PRICKLE2: variants seen among roughly 807,000 people sequenced by gnomAD.
PRICKLE2 encodes the protein prickle planar cell polarity protein 2, also known as prickle-like protein 2.
PRICKLE2 carries 21 observed loss-of-function variants against 81.4 expected under a neutral mutation model. That is an observed-to-expected ratio of 0.26 (90% CI 0.18 to 0.37). PRICKLE2 has a LOEUF of 0.37. Ranked by LOEUF, PRICKLE2 falls within the 10% of genes least tolerant of loss-of-function variation. The probability of loss-of-function intolerance (pLI) is 1.00; values close to 1 mark genes in which losing one functional copy is unlikely to be tolerated. For missense variants in PRICKLE2, 940 were observed against 1,109.0 expected, an observed-to-expected ratio of 0.85 and a Z score of 2.16; for synonymous variants, 456 against 421.5, an observed-to-expected ratio of 1.08 and a Z score of -1.00.
rs537015256 is a variant in PRICKLE2 at position 64,092,870 on chromosome 3, TTAAA to T, written c.*6177_*6180del. ...TGTGTGGAGACATTTTTAATTGTGG[TTAAA>T]TAAACATAATATAAAATTTACCATC... On this transcript the variant is annotated 3_prime_UTR_variant, in exon 8 of 8. Transcript: ENST00000638394. 6.6e-6 allele frequency: 1 copy of T among 152,336 alleles called. No individual in the cohort carries two copies. Among genetic ancestry groups the T allele is most frequent in the East Asian group, 1.9e-4 (1 of 5,184 alleles). The allele number at this position is 152,336 out of a possible 1,614,324, so 9.4% of individuals were successfully genotyped here. A position where few individuals can be genotyped will look rare whatever the true frequency, so the allele number is the denominator to read the frequency against.
chr3:64,200,915 G>C (rs146642521), intron 1 of PRICKLE2: 21 of 148,270 alleles, frequency 1.4e-4, no homozygotes, highest in African/African-American at 5.1e-4. Context: ...GCCCTCAGTC[G>C]GATATATGTT....
chr3:64,202,645 C>CGTGT (rs71099794), intron 1 of PRICKLE2, among the ~76,000 whole-genome samples: 1,852 of 149,118 alleles, frequency 0.012, 9 homozygotes, highest in Non-Finnish European at 0.015. Flanking sequence ...TACTTGTGTG[C>CGTGT]GTGTGTGTGT....
intron 2 of PRICKLE2, among the ~76,000 whole-genome samples, chr3:64,243,386 C>T (rs1030022964): frequency 1.3e-5 from 2 of 152,180 alleles, no homozygotes; most frequent in Non-Finnish European, 2.9e-5. Context: ...GTCGTGAAAA[C>T]CAAATATATC....
At chr3:64,242,816 G>A (rs2079287600) in intron 2 of PRICKLE2, among the ~76,000 whole-genome samples, 1 of 152,258 alleles carries the variant, frequency 6.6e-6, no homozygotes. Context: ...ATGGGGCCAA[G>A]AGTGTACCTG....
intron 7 of PRICKLE2, among the ~76,000 whole-genome samples, chr3:64,126,712 G>A (rs2077112729): frequency 6.6e-6 from 1 of 151,942 alleles, no homozygotes; most frequent in Non-Finnish European, 1.5e-5. Context: ...TGAGTAGCTG[G>A]GACTACAGGT....
chr3:64,157,459 C>G (rs142443764), intron 4 of PRICKLE2, 94 bp from the exon 5 acceptor site: 76 of 1,305,676 alleles, frequency 5.8e-5, no homozygotes, highest in Non-Finnish European at 8.0e-5. Context: ...TAGCTGGCTA[C>G]TGAGTGCTTA....
At chr3:64,241,685 C>T (rs902050198) in intron 2 of PRICKLE2, among the ~76,000 whole-genome samples, 1 of 152,120 alleles carries the variant, frequency 6.6e-6, no homozygotes, top group Admixed American at 6.5e-5. Context: ...AGACCTTGAC[C>T]ATCTCAGAGG....
At chr3:64,242,731 C>T (rs989656893) in intron 2 of PRICKLE2, among the ~76,000 whole-genome samples, 2 of 152,236 alleles carry the variant, frequency 1.3e-5, no homozygotes, top group African/African-American at 2.4e-5. Context: ...ACTTCACCCA[C>T]TCCAGTTCCT....
At chr3:64,161,154 A>T in intron 3 of PRICKLE2, among the ~76,000 whole-genome samples, 1 of 152,298 alleles carries the variant, frequency 6.6e-6, no homozygotes, top group African/African-American at 2.4e-5. Context: ...CACTAAATTG[A>T]AATTTCCTCC....
intron 1 of PRICKLE2, chr3:64,199,719 C>T (rs2078535156): frequency 6.6e-6 from 1 of 152,112 alleles, no homozygotes; most frequent in South Asian, 2.1e-4. Flanking sequence ...TTAAGGTTAC[C>T]ATCTGTTCTC....
chr3:64,123,490 T>C (rs537687019), intron 7 of PRICKLE2, among the ~76,000 whole-genome samples: 215 of 152,360 alleles, frequency 1.4e-3, no homozygotes, highest in African/African-American at 5.0e-3. Flanking sequence ...CCATGTTTTA[T>C]TGAGCATCAC....
rs866947633 is a variant in PRICKLE2, at chr3:64,145,100, T to A, written c.1660+1730A>T. The stretch of plus-strand genomic sequence containing the variant: ...AATATTAAATCAATAATATTAAATT[T>A]TTTTTTTTTTTTTTCTAGAGACAGG... On this transcript the variant is annotated intron_variant, in intron 7 of 7. Transcript: ENST00000638394. Among the ~76,000 whole-genome samples the A allele has an allele frequency of 8.0e-4, 118 of 146,838 alleles. 1 individual carries two copies. Among genetic ancestry groups the A allele is most frequent in the South Asian group, 2.8e-3 (13 of 4,684 alleles).
At chr3:64,114,669 G>GAA (rs34758393) in intron 7 of PRICKLE2, among the ~76,000 whole-genome samples, 62,003 of 148,762 alleles carry the variant, frequency 0.42, 13,224 homozygotes, top group East Asian at 0.54. Context: ...GACAAGAATA[G>GAA]AAAAAAAAAA....
intron 1 of PRICKLE2, among the ~76,000 whole-genome samples, chr3:64,219,811 C>A (rs2078924152): frequency 6.6e-6 from 1 of 152,144 alleles, no homozygotes. Flanking sequence ...CTCTAATTAT[C>A]CTGGGTTCGA....
intron 7 of PRICKLE2, among the ~76,000 whole-genome samples, chr3:64,114,325 A>C (rs1190517604): frequency 6.6e-6 from 1 of 152,262 alleles, no homozygotes; most frequent in Non-Finnish European, 1.5e-5. Context: ...TCTTTCCTCC[A>C]AACAACCGCA....
intron 1 of PRICKLE2, among the ~76,000 whole-genome samples, chr3:64,211,986 C>T (rs966262485): frequency 5.9e-5 from 9 of 152,260 alleles, no homozygotes; most frequent in African/African-American, 1.9e-4. Context: ...GGAGTTTTGG[C>T]TTTATTTTAA....
At chr3:64,257,577 T>C (rs949418167) in intron 2 of PRICKLE2, among the ~76,000 whole-genome samples, 2 of 152,094 alleles carry the variant, frequency 1.3e-5, no homozygotes, top group Non-Finnish European at 2.9e-5. Context: ...TAGCTGGGTG[T>C]TTACTCCTTC....
chr3:64,156,477 T>C (rs1443100062), intron 5 of PRICKLE2, among the ~76,000 whole-genome samples: 1 of 152,192 alleles, frequency 6.6e-6, no homozygotes, highest in Non-Finnish European at 1.5e-5. Flanking sequence ...ATTTAGAACA[T>C]TCTTTTTTCT....
At chr3:64,259,214 T>C (rs1397031920) in intron 2 of PRICKLE2, among the ~76,000 whole-genome samples, 1 of 152,194 alleles carries the variant, frequency 6.6e-6, no homozygotes, top group Non-Finnish European at 1.5e-5. Context: ...AGAAGGAACA[T>C]GATAACAGTG....
Sources: allele counts gnomAD v4.1 joint callset (sites outside exome capture counted in the v4.1 genomes callset), GRCh38; gene constraint gnomAD v4.1.1; transcripts MANE v1.5; gene names NCBI Gene and HGNC (gene_info 2026-07-23, HGNC 2026-07-21).